The following KIF3C variants were observed in gnomAD, a reference collection of about 807,000 sequenced individuals.
The protein encoded by KIF3C is kinesin-like protein KIF3C.
Under a neutral mutation model 67.7 loss-of-function variants are expected in KIF3C, and 12 were observed. The observed-to-expected ratio is 0.18, with a 90% CI of 0.11 to 0.29. The LOEUF is 0.29. Ranked by LOEUF, KIF3C falls within the 10% of genes least tolerant of loss-of-function variation. The pLI, the probability that KIF3C is intolerant of heterozygous loss-of-function variation, is 1.00. For missense variants in KIF3C, 789 were observed against 1,059.6 expected, an observed-to-expected ratio of 0.74 and a Z score of 3.55; for synonymous variants, 393 against 426.2, an observed-to-expected ratio of 0.92 and a Z score of 0.96.
intron 5 of KIF3C, among the ~76,000 whole-genome samples, chr2:25,937,312 A>C (rs899845559): frequency 6.6e-6 from 1 of 152,238 alleles, no homozygotes. Context: ...GTGATGGGAA[A>C]TAACATTCTT....
chr2:25,982,374 G>A lies in KIF3C; in HGVS notation c.-457C>T, dbSNP rs1664627546. The A allele has an allele frequency of 2.5e-6, 1 of 399,052 alleles. No homozygotes were observed. Among genetic ancestry groups the A allele is most frequent in the Non-Finnish European group, 4.4e-6 (1 of 226,402 alleles). 24.7% of individuals were successfully genotyped at this position (399,052 alleles called of 1,614,324 possible). A position where few individuals can be genotyped will look rare whatever the true frequency, so the allele number is the denominator to read the frequency against. On this transcript the variant is annotated 5_prime_UTR_variant, in exon 1 of 8. Transcript: ENST00000264712. ...CGGCCGGGGGTCCCGGGCCTCCCGA[G>A]GGCAGAGGCTCACCTGGAGTCCTCC...
intron 5 of KIF3C, among the ~76,000 whole-genome samples, chr2:25,931,744 T>A (rs1351458578): frequency 6.6e-6 from 1 of 151,890 alleles, no homozygotes; most frequent in East Asian, 1.9e-4. Flanking sequence ...TTCAAGTGAT[T>A]CTTGTGCCTC....
chr2:25,933,624 G>A (rs1231161130), intron 5 of KIF3C, among the ~76,000 whole-genome samples: 1 of 150,518 alleles, frequency 6.6e-6, no homozygotes. Flanking sequence ...GCAGTGAGCC[G>A]TGATCATGTC....
intron 5 of KIF3C, among the ~76,000 whole-genome samples, chr2:25,939,175 C>T (rs1300709054): frequency 6.6e-6 from 1 of 152,160 alleles, no homozygotes; most frequent in Non-Finnish European, 1.5e-5. Flanking sequence ...GCCATGTTGG[C>T]CAGGCTGGTC....
chr2:25,953,781 C>A (rs536648495), intron 4 of KIF3C, among the ~76,000 whole-genome samples: 1 of 151,838 alleles, frequency 6.6e-6, no homozygotes, highest in South Asian at 2.1e-4. Context: ...AGCAATTCTG[C>A]CTCAGCCTCC....
chr2:25,951,736 C>T (rs1663618416), intron 5 of KIF3C, 53 bp downstream of exon 5: 2 of 1,253,314 alleles, frequency 1.6e-6, no homozygotes, highest in Admixed American at 1.7e-5. Context: ...CCAGCCCCGA[C>T]CTGGAGTGGA....
intron 1 of KIF3C, among the ~76,000 whole-genome samples, chr2:25,977,161 T>A (rs1664440087): frequency 1.3e-5 from 2 of 151,576 alleles, no homozygotes; most frequent in African/African-American, 4.9e-5. Flanking sequence ...ACAGTAAACA[T>A]GAAAGGAGGG....
intron 5 of KIF3C, among the ~76,000 whole-genome samples, chr2:25,943,852 CA>C (rs1338113418): frequency 6.7e-6 from 1 of 149,084 alleles, no homozygotes; most frequent in Non-Finnish European, 1.5e-5. Context: ...GCAACAACAG[CA>C]AAATTCTATC....
At chr2:25,962,796 TTATATAA>T (rs1161469831) in intron 1 of KIF3C, among the ~76,000 whole-genome samples, 9 of 78,750 alleles carry the variant, frequency 1.1e-4, no homozygotes, top group African/African-American at 3.6e-4. Flanking sequence ...ATAATATATA[TTATATAA>T]TATATAATAT....
At position 25,952,337 on chromosome 2, in the gene KIF3C, A is replaced by T. The variant is rs555662187; in HGVS notation, c.1890-432T>A. On this transcript the variant is annotated intron_variant, in intron 4 of 7. Coordinates refer to ENST00000264712, the MANE Select transcript of KIF3C (RefSeq NM_002254.8). The stretch of plus-strand genomic sequence containing the variant: ...AGTTAATTAATTATTTATTTATTTT[A>T]AAAAAAGAGGCAGAGGCAATGTGGA... 5.9e-5 allele frequency among the ~76,000 whole-genome samples: 9 copies of T among 152,162 alleles called. No individual in the cohort carries two copies. In the South Asian group the frequency reaches 6.2e-4, roughly 11 times the overall value.
chr2:25,967,235 A>G (rs1278463454), intron 1 of KIF3C, among the ~76,000 whole-genome samples: 4 of 152,098 alleles, frequency 2.6e-5, no homozygotes. Flanking sequence ...AGTGGGTTAG[A>G]GCTCTTAACT....
intron 1 of KIF3C, among the ~76,000 whole-genome samples, chr2:25,977,498 TC>T (rs1664447000): frequency 2.0e-5 from 3 of 152,014 alleles, no homozygotes; most frequent in African/African-American, 7.2e-5. Flanking sequence ...CTGGCTCTAC[TC>T]CCAGCAAGCT....
chr2:25,963,166 G>GTA (rs1664044982), intron 1 of KIF3C, among the ~76,000 whole-genome samples: 1 of 43,864 alleles, frequency 2.3e-5, no homozygotes, highest in African/African-American at 1.4e-4. Context: ...GTGTATGTAT[G>GTA]TGTGTGTGTA....
chr2:25,947,546 A>C lies in KIF3C; in HGVS notation c.2006+4243T>G, dbSNP rs570722885. ...CAGTGAGCTGAGATAGCGCCACTGC[A>C]CTCCAGCCTGGGTGACAGAGCGAGA... On this transcript the variant is annotated intron_variant, in intron 5 of 7. Coordinates refer to ENST00000264712, the MANE Select transcript of KIF3C (RefSeq NM_002254.8). Among the ~76,000 whole-genome samples the C allele has an allele frequency of 8.6e-5, 13 of 151,992 alleles. No individual in the cohort carries two copies. In the South Asian group the frequency reaches 2.5e-3, roughly 29 times the overall value.
At chr2:25,941,925 T>C (rs1030758756) in intron 5 of KIF3C, among the ~76,000 whole-genome samples, 8 of 152,102 alleles carry the variant, frequency 5.3e-5, no homozygotes, top group Non-Finnish European at 7.4e-5. Context: ...TGGTCCCAGC[T>C]ACTCAGGGGG....
At chr2:25,973,476 C>T (rs1664331995) in intron 1 of KIF3C, among the ~76,000 whole-genome samples, 1 of 150,720 alleles carries the variant, frequency 6.6e-6, no homozygotes, top group South Asian at 2.1e-4. Flanking sequence ...ATTGCTTGAA[C>T]CCGGGAAGCG....
chr2:25,975,501 C>T (rs149873853), intron 1 of KIF3C, among the ~76,000 whole-genome samples: 2 of 152,252 alleles, frequency 1.3e-5, no homozygotes, highest in East Asian at 3.9e-4. Context: ...TCAGCACCTC[C>T]TCAGGAACCA....
chr2:25,927,311 T>C lies in KIF3C; in HGVS notation c.*1667A>G, dbSNP rs1574473880. 1 of 152,768 alleles carries C rather than the reference T, an allele frequency of 6.5e-6. No homozygotes were observed. The highest frequency in any genetic ancestry group is 2.4e-5 in the African/African-American group (1 of 41,580). The allele number at this position is 152,768 out of a possible 1,614,324, so 9.5% of individuals were successfully genotyped here. On this transcript the variant is annotated 3_prime_UTR_variant, in exon 8 of 8. Coordinates refer to ENST00000264712, the MANE Select transcript of KIF3C (RefSeq NM_002254.8). ...CTGCGCTCAGGCCACCTGGTGAATTTCTACACACAACTCCTGTCCCAGCCA... is the reference window on the plus strand; with the variant it reads ...CTGCGCTCAGGCCACCTGGTGAATTCCTACACACAACTCCTGTCCCAGCCA...
In KIF3C at chr2:25,928,709, A is replaced by G; in HGVS notation, c.*269T>C. ...GGGGAGCTCTCAAGTCAGAAGAAAA[A>G]GAGGCTACGCAGTGACCACGGTAGG... On this transcript the variant is annotated 3_prime_UTR_variant, in exon 8 of 8. Transcript: ENST00000264712. 3.3e-6 allele frequency: 1 copy of G among 307,156 alleles called. No individual in the cohort carries two copies. The highest frequency in any genetic ancestry group is 6.1e-6 in the Non-Finnish European group (1 of 164,578). The allele number at this position is 307,156 out of a possible 1,614,324, so 19.0% of individuals were successfully genotyped here.
Sources: gnomAD v4.1 joint callset for allele counts (sites outside exome capture counted in the v4.1 genomes callset) on GRCh38, gnomAD v4.1.1 for gene constraint, MANE v1.5 for transcripts, NCBI Gene and HGNC (gene_info 2026-07-23, HGNC 2026-07-21) for gene names.